The following GRB2 variants were observed in gnomAD, a reference collection of about 807,000 sequenced individuals.
GRB2 encodes growth factor receptor bound protein 2, also known as growth factor receptor-bound protein 2.
A neutral mutation model predicts 27.4 loss-of-function variants in GRB2; 2 were observed. The ratio of observed to expected loss-of-function variants is 0.07; its 90% confidence interval spans 0.03 to 0.23. GRB2 has a LOEUF of 0.23. GRB2 is among the 10% of genes least tolerant of loss of function. The probability of loss-of-function intolerance (pLI) is 1.00; values close to 1 mark genes in which losing one functional copy is unlikely to be tolerated. For missense variants in GRB2, 102 were observed against 282.4 expected, an observed-to-expected ratio of 0.36 and a Z score of 4.58; for synonymous variants, 94 against 99.6, an observed-to-expected ratio of 0.94 and a Z score of 0.33.
intron 2 of GRB2, among the ~76,000 whole-genome samples, chr17:75,374,713 GGAGATT>G (rs1461748694): frequency 6.6e-6 from 1 of 151,942 alleles, no homozygotes; most frequent in Non-Finnish European, 1.5e-5. Flanking sequence ...CTGGAGCCCA[GGAGATT>G]GAGGCTGCAA....
chr17:75,338,836 T>C, intron 2 of GRB2: 1 of 764,586 alleles, frequency 1.3e-6, no homozygotes. Flanking sequence ...AATGGTCAAC[T>C]TTCCTAAAAT....
intron 2 of GRB2, among the ~76,000 whole-genome samples, chr17:75,349,762 C>G (rs2078677804): frequency 6.6e-6 from 1 of 151,982 alleles, no homozygotes; most frequent in Non-Finnish European, 1.5e-5. Context: ...TCAGGTGATC[C>G]ACCCGCCTCA....
intron 3 of GRB2, 70 bp from the exon 4 acceptor site, chr17:75,326,090 T>A: frequency 2.5e-6 from 4 of 1,569,838 alleles, no homozygotes; most frequent in Admixed American, 1.7e-5. Flanking sequence ...GCCTTCAAAA[T>A]GTGAGTAACA....
chr17:75,342,978 G>A (rs2078630889), intron 2 of GRB2, among the ~76,000 whole-genome samples: 2 of 146,762 alleles, frequency 1.4e-5, no homozygotes, highest in Admixed American at 7.1e-5. Flanking sequence ...GAGCCTGGGA[G>A]GTCGAGGCCT....
At chr17:75,388,587 G>A (rs1026082999) in intron 2 of GRB2, among the ~76,000 whole-genome samples, 1 of 146,514 alleles carries the variant, frequency 6.8e-6, no homozygotes, top group Non-Finnish European at 1.5e-5. Context: ...AAATAGTGGG[G>A]GGGGGGAAGA....
intron 2 of GRB2, among the ~76,000 whole-genome samples, chr17:75,392,015 T>C (rs960525463): frequency 2.0e-5 from 3 of 152,174 alleles, no homozygotes; most frequent in African/African-American, 7.2e-5. Context: ...AAAAGGGCTT[T>C]TGTACAGGCT....
intron 2 of GRB2, among the ~76,000 whole-genome samples, chr17:75,349,133 G>C (rs1209586205): frequency 6.6e-6 from 1 of 152,206 alleles, no homozygotes; most frequent in East Asian, 1.9e-4. Context: ...AGTAAGCAAA[G>C]TAATTTTCCC....
At chr17:75,329,117 C>G (rs548427651) in intron 3 of GRB2, among the ~76,000 whole-genome samples, 2 of 152,062 alleles carry the variant, frequency 1.3e-5, no homozygotes, top group East Asian at 3.9e-4. Flanking sequence ...AAAATCCACA[C>G]ATGGCCTCGG....
At chr17:75,379,367 A>G (rs1231980661) in intron 2 of GRB2, among the ~76,000 whole-genome samples, 1 of 149,926 alleles carries the variant, frequency 6.7e-6, no homozygotes, top group Admixed American at 6.8e-5. Context: ...TAAAAATTTT[A>G]AAAGAATTAA....
chr17:75,387,389 T>G (rs1057011174), intron 2 of GRB2: 3 of 150,668 alleles, frequency 2.0e-5, no homozygotes, highest in African/African-American at 7.3e-5. Context: ...GAGGCAGAGG[T>G]TGCAGTGAGC....
intron 2 of GRB2, among the ~76,000 whole-genome samples, chr17:75,335,783 T>C (rs1400342778): frequency 6.6e-6 from 1 of 152,210 alleles, no homozygotes; most frequent in African/African-American, 2.4e-5. Context: ...GATAGAGTAT[T>C]GATGAAAACT....
intron 2 of GRB2, among the ~76,000 whole-genome samples, chr17:75,341,088 C>T (rs1019959560): frequency 3.3e-5 from 5 of 152,092 alleles, no homozygotes; most frequent in Non-Finnish European, 1.5e-5. Flanking sequence ...ACGTACTTGG[C>T]TTTTAACAAC....
rs1003250699 is a variant in GRB2, at chr17:75,391,136, CT to C, written c.78+2414del. Among the ~76,000 whole-genome samples, 136 of 149,926 alleles carry C rather than the reference CT, an allele frequency of 9.1e-4. 1 individual carries two copies. Among genetic ancestry groups the C allele is most frequent in the African/African-American group, 3.2e-3 (129 of 40,892 alleles). On this transcript the variant is annotated intron_variant, in intron 2 of 5. Coordinates refer to ENST00000316804, the MANE Select transcript of GRB2 (RefSeq NM_002086.5). ...AAAGGGCAACTACTGTATCGTCACT[CT>C]TTTTTTTTTCTTTTGGAGTAAAGCC...
At chr17:75,329,183 G>A (rs556960212) in intron 3 of GRB2, among the ~76,000 whole-genome samples, 1 of 152,108 alleles carries the variant, frequency 6.6e-6, no homozygotes, top group Admixed American at 6.6e-5. Flanking sequence ...CAATAGCAAT[G>A]GTGAGGGTGA....
In GRB2 at chr17:75,329,377, G is replaced by A. The variant is rs139587840; in HGVS notation, c.176+3323C>T. Among the ~76,000 whole-genome samples the A allele has an allele frequency of 1.3e-3, 202 of 152,288 alleles. 4 individuals are homozygous for A. In the East Asian group the frequency reaches 0.035, roughly 27 times the overall value. On this transcript the variant is annotated intron_variant, in intron 3 of 5. Transcript: ENST00000316804. Reference sequence around the variant, plus strand: ...TCCCCAGAGGCAGCACGTGTTGGCGGTTCTAACACTTAGGTTTCCAGACCT... The same window carrying A: ...TCCCCAGAGGCAGCACGTGTTGGCGATTCTAACACTTAGGTTTCCAGACCT...
Position 75,339,800 on chromosome 17 carries a change from T to C in GRB2, c.79-7003A>G, listed in dbSNP as rs533755186. Reference sequence around the variant, plus strand: ...TGCCACCACACCTGGCTAATTGTTTTGTATTTTTAGTAGAGATGGAGTTTC... The same window carrying C: ...TGCCACCACACCTGGCTAATTGTTTCGTATTTTTAGTAGAGATGGAGTTTC... On this transcript the variant is annotated intron_variant, in intron 2 of 5. Coordinates refer to ENST00000316804, the MANE Select transcript of GRB2 (RefSeq NM_002086.5). 2.1e-4 allele frequency among the ~76,000 whole-genome samples: 32 copies of C among 152,258 alleles called. No homozygotes were observed. The South Asian group carries it at 4.8e-3, about 23-fold the overall frequency.
chr17:75,391,675 G>A, intron 2 of GRB2, among the ~76,000 whole-genome samples: 1 of 152,080 alleles, frequency 6.6e-6, no homozygotes, highest in African/African-American at 2.4e-5. Context: ...GGGCGTGGTG[G>A]CGGGCGCCTG....
At chr17:75,338,690 T>G (rs1378086626) in intron 2 of GRB2, 9 of 310,632 alleles carry the variant, frequency 2.9e-5, no homozygotes, top group Admixed American at 1.5e-4. Flanking sequence ...GTTTTTTGGT[T>G]TTTTTTTGCA....
In GRB2 at chr17:75,401,555, A is replaced by AT. The variant is rs200092794; in HGVS notation, c.-138+3933dup. Among the ~76,000 whole-genome samples the AT allele has an allele frequency of 1.1e-4, 17 of 151,206 alleles. No individual in the cohort carries two copies. In the East Asian group the frequency reaches 3.3e-3, roughly 29 times the overall value. ...GATACACCTCAATTGTATTTTCATT[A>AT]TTTTTACAATAGGCATGTGTTACTT... On this transcript the variant is annotated intron_variant, in intron 1 of 5. Coordinates refer to ENST00000316804, the MANE Select transcript of GRB2 (RefSeq NM_002086.5).
Sources: gnomAD v4.1 joint callset for allele counts (sites outside exome capture counted in the v4.1 genomes callset) on GRCh38, gnomAD v4.1.1 for gene constraint, MANE v1.5 for transcripts, NCBI Gene and HGNC (gene_info 2026-07-23, HGNC 2026-07-21) for gene names.